Variants in DNHD1 observed in about 807,000 individuals in gnomAD.
DNHD1 encodes the protein dynein heavy chain domain 1, also known as dynein heavy chain domain-containing protein 1.
Under a neutral mutation model 458.1 loss-of-function variants are expected in DNHD1, and 383 were observed. The ratio of observed to expected loss-of-function variants is 0.84; its 90% CI spans 0.77 to 0.91. The LOEUF (loss-of-function observed/expected upper bound fraction) is 0.91, where lower values mean the gene tolerates loss of function less well. DNHD1 is among the 40% of genes least tolerant of loss of function. The pLI is 0.00. For missense variants in DNHD1, 5,336 were observed against 5,866.1 expected, an observed-to-expected ratio of 0.91 and a Z score of 2.95; for synonymous variants, 2,203 against 2,376.9, an observed-to-expected ratio of 0.93 and a Z score of 2.13.
rs76452903 is a variant in DNHD1 at position 6,507,357 on chromosome 11, C to A, written c.921-1523C>A. Among the ~76,000 whole-genome samples, 45 of 152,238 alleles carry A rather than the reference C, an allele frequency of 3.0e-4. No individual in the cohort carries two copies. The East Asian group carries it at 8.5e-3, about 29-fold the overall frequency. On this transcript the variant is annotated intron_variant, in intron 4 of 42. Coordinates refer to ENST00000254579, the MANE Select transcript of DNHD1 (RefSeq NM_144666.3). ...GATATTCAGCAAAATGCACCTATATCCCACATTAAATGCAATACATATGGA... is the reference window on the plus strand; with the variant it reads ...GATATTCAGCAAAATGCACCTATATACCACATTAAATGCAATACATATGGA...
Position 6,557,759 on chromosome 11 carries a change from A to G in DNHD1, c.8464A>G (p.Ser2822Gly). The G allele has an allele frequency of 1.3e-6, 2 of 1,551,712 alleles. No individual in the cohort carries two copies. Among genetic ancestry groups the G allele is most frequent in the East Asian group, 2.4e-5 (1 of 40,924 alleles). The change falls in exon 25 of 43, where the codon AGT becomes GGT. Residue 2822 changes from serine to glycine, a missense_variant. By Grantham distance (56) the Ser-to-Gly change is moderately conservative (BLOSUM62 0). Transcript: ENST00000254579. ...PQEKPSDLVF[S>G]QELILGPNSE... ...GGAAAAGCCCTCAGACCTGGTCTTC[A>G]GTCAGGAGCTGATACTGGGGCCTAA...
chr11:6,561,209 A>G (rs1432713150), intron 28 of DNHD1, among the ~76,000 whole-genome samples: 4 of 152,278 alleles, frequency 2.6e-5, no homozygotes, highest in African/African-American at 9.6e-5. Flanking sequence ...GCCACTGCCA[A>G]TGGATCACTT....
chr11:6,551,775 T>C lies in DNHD1; in HGVS notation c.7387+2842T>C, dbSNP rs1429477822. ...GGCCAACATGGTGAAACCCCGTCTC[T>C]ACTAAAAATGCAAAAATTAGCTGGG... On this transcript the variant is annotated intron_variant, in intron 24 of 42. Transcript: ENST00000254579. Among the ~76,000 whole-genome samples, 9 of 152,112 alleles carry C rather than the reference T, an allele frequency of 5.9e-5. No individual in the cohort carries two copies. In the East Asian group the frequency reaches 1.5e-3, roughly 26 times the overall value.
Position 6,563,683 on chromosome 11 carries a change from A to C in DNHD1, c.9853-10A>C. The C allele has an allele frequency of 6.5e-7, 1 of 1,544,194 alleles. No individual in the cohort carries two copies. Among genetic ancestry groups the C allele is most frequent in the African/African-American group, 1.4e-5 (1 of 73,080 alleles). ...TGGCTTCCCCATCCCGTTAACATAC[A>C]TCCTTCCAGGAGCTGGTGTTCTTCC... On this transcript the variant is annotated splice_polypyrimidine_tract_variant and intron_variant, in intron 30 of 42. Transcript: ENST00000254579.
rs1276451782 is a variant in DNHD1, at chr11:6,548,200, A to G, written c.6906-10A>G. On this transcript the variant is annotated splice_polypyrimidine_tract_variant and intron_variant, in intron 22 of 42. Coordinates refer to ENST00000254579, the MANE Select transcript of DNHD1 (RefSeq NM_144666.3). This position sits in a 1 kb window ranked among gnomAD's most constrained non-coding sequence, Gnocchi z 4.4. ...GTCTGACGCTTTTGCCTGTGTGTCC[A>G]TCTGAGCAGGTTCTGGCCCATCTTT... 1.3e-6 allele frequency: 2 copies of G among 1,551,146 alleles called. No homozygotes were observed. Among genetic ancestry groups the G allele is most frequent in the Non-Finnish European group, 1.7e-6 (2 of 1,146,642 alleles).
chr11:6,551,304 T>C (rs998305621), intron 24 of DNHD1, among the ~76,000 whole-genome samples: 12 of 152,140 alleles, frequency 7.9e-5, no homozygotes, highest in African/African-American at 2.9e-4. Flanking sequence ...ACAAAACATA[T>C]CAAAATTTGT....
At position 6,571,527 on chromosome 11, in the gene DNHD1, T is replaced by C. The variant is rs1853851816; in HGVS notation, c.13911+104T>C. 2.7e-6 allele frequency: 4 copies of C among 1,458,080 alleles called. No homozygotes were observed. The highest frequency in any genetic ancestry group is 2.4e-5 in the Admixed American group (1 of 41,130). 90.3% of individuals were successfully genotyped at this position (1,458,080 alleles called of 1,614,324 possible). On this transcript the variant is annotated intron_variant, in intron 42 of 42. Coordinates refer to ENST00000254579, the MANE Select transcript of DNHD1 (RefSeq NM_144666.3). This position sits in a 1 kb window ranked among gnomAD's most constrained non-coding sequence, Gnocchi z 5.0. ...GTGATCTTGCCCCCGGTAACCCTGCTAGCTTCTCCGATCTCGCTTCACCAC... is the reference window on the plus strand; with the variant it reads ...GTGATCTTGCCCCCGGTAACCCTGCCAGCTTCTCCGATCTCGCTTCACCAC...
At position 6,534,053 on chromosome 11, in the gene DNHD1, T is replaced by C; in HGVS notation, c.2878T>C (p.Phe960Leu). 1 of 1,551,554 alleles carries C rather than the reference T, an allele frequency of 6.4e-7. No individual in the cohort carries two copies. Residue 960 changes from phenylalanine (F) to leucine (L), a missense_variant, in exon 14 of 43, where the codon TTT (phenylalanine) becomes CTT (leucine). By Grantham distance (22) the Phe-to-Leu change is conservative (BLOSUM62 0). Transcript: ENST00000254579. Reference sequence around the variant, plus strand: ...GCTTGCGAAGGCCCTCTCCGGTCCCTTTATGGACCCCACACAAGATCAGAG... The same window carrying C: ...GCTTGCGAAGGCCCTCTCCGGTCCCCTTATGGACCCCACACAAGATCAGAG... ...GLLAKALSGP[F>L]MDPTQDQRST...
rs1852271374 is a variant in DNHD1 at position 6,508,553 on chromosome 11, G to C, written c.921-327G>C. 7 of 218,504 alleles carry C rather than the reference G, an allele frequency of 3.2e-5. No individual in the cohort carries two copies. In the Admixed American group the frequency reaches 3.6e-4, roughly 11 times the overall value. The allele number at this position is 218,504 out of a possible 1,614,324, so 13.5% of individuals were successfully genotyped here. A position where few individuals can be genotyped will look rare whatever the true frequency, so the allele number is the denominator to read the frequency against. ...TCTTATTAGAAGCATTTTTATCTTA[G>C]CATTTCATAAGATAATGCTGCAGCT... On this transcript the variant is annotated intron_variant, in intron 4 of 42. Transcript: ENST00000254579.
chr11:6,526,200 C>T (rs746642746), intron 10 of DNHD1, among the ~76,000 whole-genome samples: 6 of 151,848 alleles, frequency 4.0e-5, no homozygotes, highest in Non-Finnish European at 5.9e-5. Context: ...AATTATCTGT[C>T]GAGTTTGTTT....
In DNHD1 at chr11:6,519,594, T is replaced by C; in HGVS notation, c.1393-6T>C. ...TATCTGGTGAGTTTCCACTCTATGC[T>C]CACAGGTTCACGAGGACACATACCA... On this transcript the variant is annotated splice_polypyrimidine_tract_variant and splice_region_variant and intron_variant, in intron 7 of 42. Coordinates refer to ENST00000254579, the MANE Select transcript of DNHD1 (RefSeq NM_144666.3). 2 of 1,614,006 alleles carry C rather than the reference T, an allele frequency of 1.2e-6. No individual in the cohort carries two copies. Among genetic ancestry groups the C allele is most frequent in the Non-Finnish European group, 8.5e-7 (1 of 1,179,984 alleles).
At position 6,546,269 on chromosome 11, in the gene DNHD1, T is replaced by C; in HGVS notation, c.5330T>C (p.Ile1777Thr). 2.6e-6 allele frequency: 4 copies of C among 1,552,358 alleles called. No homozygotes were observed. Among genetic ancestry groups the C allele is most frequent in the Non-Finnish European group, 3.5e-6 (4 of 1,147,142 alleles). Residue 1777 changes from isoleucine to threonine, a missense_variant, in exon 21 of 43, where the codon ATA (isoleucine) becomes ACA (threonine). Transcript: ENST00000254579. ...GAGGCTTCCCGAAACACAAGCACCATAGACCCCACCCAGCCCCAGCTCCTT... is the reference window on the plus strand; with the variant it reads ...GAGGCTTCCCGAAACACAAGCACCACAGACCCCACCCAGCCCCAGCTCCTT... Reference protein sequence around the residue: ...YQEASRNTSTIDPTQPQLLGS... With the variant: ...YQEASRNTSTTDPTQPQLLGS...
rs1281747296 is a variant in DNHD1, at chr11:6,562,985, C to A, written c.9523C>A (p.Leu3175Ile). 6.4e-7 allele frequency: 1 copy of A among 1,551,528 alleles called. No individual in the cohort carries two copies. The highest frequency in any genetic ancestry group is 1.2e-5 in the South Asian group (1 of 84,042). The change falls in exon 29 of 43, where the codon CTC becomes ATC. Residue 3175 changes from leucine to isoleucine, a missense_variant. Coordinates refer to ENST00000254579, the MANE Select transcript of DNHD1 (RefSeq NM_144666.3). ...GGGCCTGGATCTGTCTCTGCAGAGT[C>A]TCAGCATGTTTCAGCAGCAGCTAGA... is the stretch of plus-strand genomic sequence containing the variant. ...EQQLKDSGKS[L>I]SMFQQQLEQS...
At chr11:6,520,504 C>A in intron 10 of DNHD1, 1 of 1,410,118 alleles carries the variant, frequency 7.1e-7, no homozygotes, top group Non-Finnish European at 9.2e-7. Context: ...TGTGTATGTG[C>A]GTGCAATGAG....
chr11:6,515,821 G>A (rs1173955497), intron 7 of DNHD1, among the ~76,000 whole-genome samples: 6 of 121,090 alleles, frequency 5.0e-5, no homozygotes, highest in African/African-American at 1.6e-4. Context: ...GACTCACTCT[G>A]TCACCCAGGC....
rs138566635 is a variant in DNHD1, at chr11:6,521,859, G to A, written c.1837+1570G>A. Among the ~76,000 whole-genome samples the A allele has an allele frequency of 4.6e-3, 697 of 152,202 alleles. 6 individuals carry two copies. The highest frequency in any genetic ancestry group is 8.2e-3 in the Non-Finnish European group (558 of 68,002). ...AGCCTCCCAAGTAGCTGGAACTGCAGGAACATACCACCATGCCTGGCTAAT... is the reference window on the plus strand; with the variant it reads ...AGCCTCCCAAGTAGCTGGAACTGCAAGAACATACCACCATGCCTGGCTAAT... On this transcript the variant is annotated intron_variant, in intron 10 of 42. Transcript: ENST00000254579.
In DNHD1 at chr11:6,545,768, G is replaced by T; in HGVS notation, c.4829G>T (p.Gly1610Val). Reference protein sequence around the residue: ...HWVRQLKYHLGSPHIIPKSPL... With the variant: ...HWVRQLKYHLVSPHIIPKSPL... Reference sequence around the variant, plus strand: ...GTCCGCCAACTCAAGTATCACTTGGGTTCACCTCACATAATCCCCAAAAGC... The same window carrying T: ...GTCCGCCAACTCAAGTATCACTTGGTTTCACCTCACATAATCCCCAAAAGC... The change falls in exon 21 of 43, where the codon GGT (glycine) becomes GTT (valine). Residue 1610 changes from glycine (G) to valine (V), a missense_variant. Gly to Val is a moderately radical substitution (Grantham distance 109). Around this residue, in one of 4 missense-constraint regions of DNHD1, gnomAD observed 3,932 missense variants for 4,365.6 expected, o/e 0.90. Coordinates refer to ENST00000254579, the MANE Select transcript of DNHD1 (RefSeq NM_144666.3). This position sits in a 1 kb window ranked among gnomAD's most constrained non-coding sequence, Gnocchi z 4.9. The T allele has an allele frequency of 6.4e-7, 1 of 1,551,742 alleles. No individual in the cohort carries two copies. The highest frequency in any genetic ancestry group is 8.7e-7 in the Non-Finnish European group (1 of 1,147,026).
Position 6,565,703 on chromosome 11 carries a change from C to T in DNHD1, c.10765C>T (p.Leu3589Phe), listed in dbSNP as rs1415769963. ...GAATCTTTCTGCCCCAGGGAAAGGC[C>T]TCATGAGAAATCAAAAGAGAGAGAG... ...PALTEGRGKG[L>F]MRNQKRESKT... Residue 3589 changes from leucine to phenylalanine, a missense_variant, in exon 33 of 43, where the codon CTC becomes TTC. Physicochemically the swap from Leu to Phe is conservative, Grantham distance 22 (BLOSUM62 0). Transcript: ENST00000254579. 1 of 1,546,928 alleles carries T rather than the reference C, an allele frequency of 6.5e-7. No homozygotes were observed. Among genetic ancestry groups the T allele is most frequent in the Admixed American group, 2.0e-5 (1 of 50,214 alleles).
intron 28 of DNHD1, 54 bp from the exon 29 acceptor site, chr11:6,562,928 G>A (rs560959565): frequency 1.3e-6 from 2 of 1,527,748 alleles, no homozygotes; most frequent in African/African-American, 1.4e-5. Context: ...GTCTTCTGGG[G>A]TTTCCCGCGT....
Sources: gnomAD v4.1 joint callset for allele counts (sites outside exome capture counted in the v4.1 genomes callset) on GRCh38, gnomAD v4.1.1 for gene constraint, gnomAD v4.1.1 regional missense constraint, Gnocchi (gnomAD v3.1) non-coding constraint, MANE v1.5 for transcripts, NCBI Gene and HGNC (gene_info 2026-07-23, HGNC 2026-07-21) for gene names.